The following NALF1 variants were observed in gnomAD, a reference collection of about 807,000 sequenced individuals.
NALF1 encodes family with sequence similarity 155 member A.
A neutral mutation model predicts 48.4 loss-of-function variants in NALF1; 3 were observed. The ratio of observed to expected loss-of-function variants is 0.06; its 90% CI spans 0.03 to 0.16. The LOEUF (loss-of-function observed/expected upper bound fraction) is 0.16. Ranked by LOEUF, NALF1 falls within the 10% of genes least tolerant of loss-of-function variation. The probability of loss-of-function intolerance (pLI) is 1.00; values close to 1 mark genes in which losing one functional copy is unlikely to be tolerated. For missense variants in NALF1, 526 were observed against 571.5 expected, an observed-to-expected ratio of 0.92 and a Z score of 0.81; for synonymous variants, 262 against 245.7, an observed-to-expected ratio of 1.07 and a Z score of -0.62.
intron 1 of NALF1, among the ~76,000 whole-genome samples, chr13:107,371,918 C>T (rs1883254641): frequency 6.6e-6 from 1 of 152,126 alleles, no homozygotes; most frequent in African/African-American, 2.4e-5. Flanking sequence ...CAAGCTTTTC[C>T]AGACTTCCCC....
At chr13:107,787,268 T>A (rs893761712) in intron 1 of NALF1, among the ~76,000 whole-genome samples, 7 of 152,204 alleles carry the variant, frequency 4.6e-5, no homozygotes, top group Non-Finnish European at 8.8e-5. Flanking sequence ...TAAACACTAA[T>A]TTTTTTCAAT....
At chr13:107,648,043 G>A (rs1439959087) in intron 1 of NALF1, among the ~76,000 whole-genome samples, 2 of 152,106 alleles carry the variant, frequency 1.3e-5, no homozygotes, top group Non-Finnish European at 1.5e-5. Context: ...TTTAATCAAT[G>A]AGTTACATTT....
At chr13:107,327,495 T>C (rs1237945079) in intron 1 of NALF1, among the ~76,000 whole-genome samples, 1 of 152,240 alleles carries the variant, frequency 6.6e-6, no homozygotes, top group Non-Finnish European at 1.5e-5. Context: ...ATTATTTTAA[T>C]ACATTCTTTT....
intron 1 of NALF1, among the ~76,000 whole-genome samples, chr13:107,307,528 G>A (rs1392499422): frequency 3.3e-5 from 5 of 149,400 alleles, no homozygotes; most frequent in African/African-American, 1.2e-4. Context: ...CACCCAGGCT[G>A]GTTGGAGTAC....
At chr13:107,822,671 TA>T (rs775071490) in intron 1 of NALF1, among the ~76,000 whole-genome samples, 8 of 152,362 alleles carry the variant, frequency 5.3e-5, no homozygotes, top group Non-Finnish European at 1.0e-4. Context: ...TCCTTCTTTT[TA>T]TAACCTACTT....
chr13:107,232,015 T>C (rs4771561), intron 1 of NALF1, among the ~76,000 whole-genome samples: 53,351 of 152,086 alleles, frequency 0.35, 10,425 homozygotes, highest in East Asian at 0.59. Context: ...ACTATGAAAG[T>C]TAGGGCACTT....
At chr13:107,284,385 C>T (rs1479804515) in intron 1 of NALF1, among the ~76,000 whole-genome samples, 1 of 151,956 alleles carries the variant, frequency 6.6e-6, no homozygotes, top group African/African-American at 2.4e-5. Flanking sequence ...TGACAGAAAC[C>T]ATCCATGAGG....
rs75520076 is a variant in NALF1 at position 107,541,761 on chromosome 13, G to A, written c.915+323921C>T. Among the ~76,000 whole-genome samples, 401 of 152,228 alleles carry A rather than the reference G, an allele frequency of 2.6e-3. 3 individuals are homozygous for A. The highest frequency in any genetic ancestry group is 9.2e-3 in the African/African-American group (384 of 41,562). On this transcript the variant is annotated intron_variant, in intron 1 of 2. Coordinates refer to ENST00000375915, the MANE Select transcript of NALF1 (RefSeq NM_001080396.3). ...AAAAATATTGTTTCCTTAGGATAAAGAAGAGCAGCAGACTCTGCTATACTT... is the reference window on the plus strand; with the variant it reads ...AAAAATATTGTTTCCTTAGGATAAAAAAGAGCAGCAGACTCTGCTATACTT...
At chr13:107,756,435 C>CTATAGATATATATATATA (rs1555323653) in intron 1 of NALF1, among the ~76,000 whole-genome samples, 1 of 141,056 alleles carries the variant, frequency 7.1e-6, no homozygotes. Flanking sequence ...AGTTTAATGG[C>CTATAGATATATATATATA]TATATATATA....
chr13:107,473,063 T>C (rs549975089), intron 1 of NALF1, among the ~76,000 whole-genome samples: 1 of 152,250 alleles, frequency 6.6e-6, no homozygotes, highest in South Asian at 2.1e-4. Flanking sequence ...ATGAGCATAC[T>C]TTCCTCAAGG....
chr13:107,392,845 T>C (rs1334818321), intron 1 of NALF1, among the ~76,000 whole-genome samples: 2 of 152,024 alleles, frequency 1.3e-5, no homozygotes, highest in Non-Finnish European at 2.9e-5. Context: ...CAGTCTTAGT[T>C]TGGAAGGTGC....
intron 1 of NALF1, among the ~76,000 whole-genome samples, chr13:107,761,352 G>A (rs1007567434): frequency 2.9e-4 from 35 of 122,776 alleles, no homozygotes; most frequent in African/African-American, 3.8e-4. Flanking sequence ...GCAGGACTCC[G>A]TCTCAAAAAA....
chr13:107,750,098 T>C (rs908646559), intron 1 of NALF1, among the ~76,000 whole-genome samples: 1 of 152,166 alleles, frequency 6.6e-6, no homozygotes, highest in African/African-American at 2.4e-5. Context: ...TAAATTTTCA[T>C]TGATTAAAAT....
At chr13:107,702,543 T>C (rs1881848073) in intron 1 of NALF1, among the ~76,000 whole-genome samples, 1 of 152,160 alleles carries the variant, frequency 6.6e-6, no homozygotes, top group Admixed American at 6.6e-5. Context: ...TGTTTTTTGG[T>C]CTCCAACTTT....
At chr13:107,718,481 T>C (rs750252548) in intron 1 of NALF1, among the ~76,000 whole-genome samples, 6 of 152,122 alleles carry the variant, frequency 3.9e-5, no homozygotes, top group Non-Finnish European at 8.8e-5. Flanking sequence ...ATATTTTTCC[T>C]GGGGAGAAAA....
At chr13:107,341,649 A>G (rs921047342) in intron 1 of NALF1, among the ~76,000 whole-genome samples, 2 of 151,292 alleles carry the variant, frequency 1.3e-5, no homozygotes, top group South Asian at 4.1e-4. Context: ...ACTTGGGTAC[A>G]TATATATGGT....
intron 1 of NALF1, among the ~76,000 whole-genome samples, chr13:107,832,927 T>C (rs746591393): frequency 3.3e-5 from 5 of 152,180 alleles, no homozygotes; most frequent in Non-Finnish European, 5.9e-5. Flanking sequence ...TACACTCCAA[T>C]CTCTTCTTCT....
intron 1 of NALF1, among the ~76,000 whole-genome samples, chr13:107,288,274 C>T (rs1216979173): frequency 7.3e-6 from 1 of 137,712 alleles, no homozygotes; most frequent in African/African-American, 2.7e-5. Context: ...GGCTGGAGGG[C>T]AGTGGCGCGA....
At chr13:107,585,155 T>A (rs1196070184) in intron 1 of NALF1, among the ~76,000 whole-genome samples, 1 of 152,046 alleles carries the variant, frequency 6.6e-6, no homozygotes, top group African/African-American at 2.4e-5. Context: ...ACCCGGTCAT[T>A]TTTTTCCAAA....
Sources: allele counts gnomAD v4.1 joint callset (sites outside exome capture counted in the v4.1 genomes callset), GRCh38; gene constraint gnomAD v4.1.1; transcripts MANE v1.5; gene names NCBI Gene and HGNC (gene_info 2026-07-23, HGNC 2026-07-21).